The following RPH3AL variants were observed in gnomAD, a reference collection of about 807,000 sequenced individuals.
RPH3AL encodes the protein rabphilin 3A like (without C2 domains).
A neutral mutation model predicts 43.1 loss-of-function variants in RPH3AL; 38 were observed. The observed-to-expected ratio is 0.88, with a 90% CI of 0.68 to 1.15. The LOEUF is 1.15. RPH3AL is among the 50% of genes most tolerant of loss of function. The probability of loss-of-function intolerance (pLI) is 0.00; values close to 1 mark genes in which losing one functional copy is unlikely to be tolerated. For missense variants in RPH3AL, 462 were observed against 423.2 expected, an observed-to-expected ratio of 1.09 and a Z score of -0.81; for synonymous variants, 189 against 176.3, an observed-to-expected ratio of 1.07 and a Z score of -0.57.
At chr17:299,294 AG>A (rs67096410) in intron 5 of RPH3AL, among the ~76,000 whole-genome samples, 70,843 of 151,716 alleles carry the variant, frequency 0.47, 16,722 homozygotes, top group South Asian at 0.54. Context: ...CCTGGGCAGA[AG>A]GGTCTCACCC....
intron 2 of RPH3AL, chr17:331,799 G>A (rs1254727981): frequency 7.8e-7 from 1 of 1,289,062 alleles, no homozygotes; most frequent in Non-Finnish European, 1.0e-6. Flanking sequence ...TCTCTTAAAA[G>A]CAGGGTCCTG....
chr17:260,125 C>A (rs782239178), intron 6 of RPH3AL, among the ~76,000 whole-genome samples: 2 of 152,198 alleles, frequency 1.3e-5, no homozygotes, highest in Non-Finnish European at 2.9e-5. Flanking sequence ...TCCTCTCTGC[C>A]CCAACCCCAC....
rs888322851 is a variant in RPH3AL at position 322,756 on chromosome 17, T to C, written c.78-1341A>G. On this transcript the variant is annotated intron_variant, in intron 3 of 9. Transcript: ENST00000331302. This position sits in a 1 kb window ranked among gnomAD's most constrained non-coding sequence, Gnocchi z 4.0. ...CCCGGTGGTCTCATGTCCTGCCTGGTCCCGGCTGTTGCAGCTAACGGTTCT... is the reference window on the plus strand; with the variant it reads ...CCCGGTGGTCTCATGTCCTGCCTGGCCCCGGCTGTTGCAGCTAACGGTTCT... Among the ~76,000 whole-genome samples the C allele has an allele frequency of 6.6e-6, 1 of 151,514 alleles. No homozygotes were observed. Among genetic ancestry groups the C allele is most frequent in the Admixed American group, 6.6e-5 (1 of 15,218 alleles).
At chr17:297,957 T>TC (rs2043223124) in intron 5 of RPH3AL, among the ~76,000 whole-genome samples, 1 of 152,074 alleles carries the variant, frequency 6.6e-6, no homozygotes, top group Non-Finnish European at 1.5e-5. Context: ...CAAACTTCCC[T>TC]CCCTGGCCCC....
In RPH3AL at chr17:258,757, G is replaced by GTTTTTTTTTTTTTTTTTTTTTTT. The variant is rs372761475; in HGVS notation, c.439-11473_439-11472insAAAAAAAAAAAAAAAAAAAAAAA. ...TCAGCCATTTTGGGATAGTCAACCC[G>GTTTTTTTTTTTTTTTTTTTTTTT]TTTTTTTTTTTTTTTTTTTTTGAGA... is the stretch of plus-strand genomic sequence containing the variant. On this transcript the variant is annotated intron_variant, in intron 6 of 9. Coordinates refer to ENST00000331302, the MANE Select transcript of RPH3AL (RefSeq NM_006987.4). Among the ~76,000 whole-genome samples the GTTTTTTTTTTTTTTTTTTTTTTT allele has an allele frequency of 9.1e-5, 9 of 98,770 alleles. 4 individuals carry two copies. The highest frequency in any genetic ancestry group is 1.1e-4 in the Non-Finnish European group (5 of 47,482). The allele number at this position is 98,770 out of a possible 152,430, so 64.8% of individuals were successfully genotyped here.
At chr17:346,602 A>C (rs2045241549) in intron 1 of RPH3AL, among the ~76,000 whole-genome samples, 1 of 135,012 alleles carries the variant, frequency 7.4e-6, no homozygotes, top group Non-Finnish European at 1.7e-5. Context: ...CTCCCACAAC[A>C]GGTGGGAATG....
At chr17:308,295 C>G (rs2151649768) in intron 5 of RPH3AL, among the ~76,000 whole-genome samples, 1 of 152,272 alleles carries the variant, frequency 6.6e-6, no homozygotes, top group Non-Finnish European at 1.5e-5. Context: ...CACCGCACAC[C>G]CATTTGGGAG....
intron 6 of RPH3AL, among the ~76,000 whole-genome samples, chr17:257,787 G>A (rs1225075953): frequency 9.4e-5 from 3 of 32,022 alleles, no homozygotes; most frequent in African/African-American, 2.8e-4. Context: ...TACTTCCTAT[G>A]AGGGGAGCCG....
chr17:311,782 T>C (rs2043653147), intron 5 of RPH3AL, among the ~76,000 whole-genome samples: 1 of 152,086 alleles, frequency 6.6e-6, no homozygotes, highest in Non-Finnish European at 1.5e-5. Context: ...TTTATGTAAA[T>C]TACAGAAAAT....
chr17:332,032 G>C (rs1177260933), intron 2 of RPH3AL: 1 of 438,864 alleles, frequency 2.3e-6, no homozygotes, highest in Non-Finnish European at 4.1e-6. Flanking sequence ...GGCTGGTGGA[G>C]CTCTGGGGGG....
chr17:222,719 G>A (rs1213620686), intron 7 of RPH3AL, among the ~76,000 whole-genome samples: 2 of 152,160 alleles, frequency 1.3e-5, no homozygotes, highest in Non-Finnish European at 2.9e-5. Context: ...AACTGCACCC[G>A]TATTGCATTG....
chr17:328,171 C>T lies in RPH3AL; in HGVS notation c.-36-592G>A, dbSNP rs1431259668. Among the ~76,000 whole-genome samples the T allele has an allele frequency of 6.6e-6, 1 of 151,952 alleles. No homozygotes were observed. The highest frequency in any genetic ancestry group is 1.5e-5 in the Non-Finnish European group (1 of 67,978). The stretch of plus-strand genomic sequence containing the variant: ...CAAGGGGAGCCGTCCATAGACACTG[C>T]CATGAAAATGGCACCTGGGGATCCC... On this transcript the variant is annotated intron_variant, in intron 2 of 9. Transcript: ENST00000331302. The surrounding 1 kb of genome is among the most constrained non-coding windows in gnomAD (Gnocchi z 4.2).
rs1233523668 is a variant in RPH3AL, at chr17:231,874, G to A, written c.614-12138C>T. 4.9e-4 allele frequency among the ~76,000 whole-genome samples: 74 copies of A among 152,386 alleles called. 1 individual carries two copies. The highest frequency in any genetic ancestry group is 8.8e-5 in the Non-Finnish European group (6 of 68,044). On this transcript the variant is annotated intron_variant, in intron 7 of 9. Coordinates refer to ENST00000331302, the MANE Select transcript of RPH3AL (RefSeq NM_006987.4). ...TGACCTCCGTGGTGTGGCTGATGAG[G>A]GCCTTCTGCTCTTGGAAATCCACCT...
chr17:252,992 G>A (rs927659597), intron 6 of RPH3AL, among the ~76,000 whole-genome samples: 2 of 152,202 alleles, frequency 1.3e-5, no homozygotes, highest in Admixed American at 6.5e-5. Flanking sequence ...CGCCCTCCAG[G>A]AGGAAAAGCC....
chr17:326,011 G>A (rs2044610747), intron 3 of RPH3AL, among the ~76,000 whole-genome samples: 1 of 152,224 alleles, frequency 6.6e-6, no homozygotes, highest in African/African-American at 2.4e-5. Context: ...GAGAGAGAAG[G>A]TCAGGGAGAG....
chr17:334,393 T>C (rs1351700516), intron 1 of RPH3AL, among the ~76,000 whole-genome samples: 1 of 152,162 alleles, frequency 6.6e-6, no homozygotes, highest in East Asian at 1.9e-4. Flanking sequence ...ACGGAGTCTC[T>C]AGCCCGTCCA....
chr17:240,342 T>C (rs1597907828), intron 7 of RPH3AL, among the ~76,000 whole-genome samples: 1 of 152,150 alleles, frequency 6.6e-6, no homozygotes, highest in South Asian at 2.1e-4. Flanking sequence ...TCAGAAAGTA[T>C]ACAAGTCAGT....
At chr17:243,989 AC>A (rs1163745127) in intron 7 of RPH3AL, among the ~76,000 whole-genome samples, 3 of 133,908 alleles carry the variant, frequency 2.2e-5, no homozygotes, top group Middle Eastern at 0.013. Context: ...TCTATTGATT[AC>A]CCTTCCTCTA....
In RPH3AL at chr17:318,819, C is replaced by T. The variant is rs7212603; in HGVS notation, c.351+601G>A. ...ATTTGATCTCCCTGCAAAGATCATT[C>T]TTCTTTGAGTAACCAGGGATCAAGA... On this transcript the variant is annotated intron_variant, in intron 5 of 9. Transcript: ENST00000331302. Among the ~76,000 whole-genome samples, 1,361 of 152,320 alleles carry T rather than the reference C, an allele frequency of 8.9e-3. 16 individuals carry two copies. The highest frequency in any genetic ancestry group is 0.031 in the African/African-American group (1,279 of 41,578).
Sources: allele counts gnomAD v4.1 joint callset (sites outside exome capture counted in the v4.1 genomes callset), GRCh38; gene constraint gnomAD v4.1.1; non-coding constraint Gnocchi (gnomAD v3.1); transcripts MANE v1.5; gene names NCBI Gene and HGNC (gene_info 2026-07-23, HGNC 2026-07-21).